The following SH3BGRL2 variants were observed in gnomAD, a reference collection of about 807,000 sequenced individuals.
The protein encoded by SH3BGRL2 is SH3 domain binding glutamate rich protein like 2, also known as SH3 domain-binding glutamic acid-rich-like protein 2.
A neutral mutation model predicts 14.8 loss-of-function variants in SH3BGRL2; 21 were observed. That is an observed-to-expected ratio of 1.42 (90% CI 1.01 to 2.05). SH3BGRL2 has a LOEUF of 2.05. Ranked by LOEUF, SH3BGRL2 falls within the 30% of genes most tolerant of loss-of-function variation. The pLI, the probability that SH3BGRL2 is intolerant of heterozygous loss-of-function variation, is 0.00. For synonymous variants in SH3BGRL2, 50 were observed against 47.8 expected (o/e 1.05, Z -0.19); for missense variants, 147 against 130.8 (o/e 1.12, Z -0.61).
At chr6:79,634,725 G>T (rs963114219) in intron 1 of SH3BGRL2, among the ~76,000 whole-genome samples, 2 of 152,164 alleles carry the variant, frequency 1.3e-5, no homozygotes, top group African/African-American at 4.8e-5. Flanking sequence ...GATGAGTTAG[G>T]AAAGGTAGTA....
At chr6:79,540,497 CTGCTCTGA>C in the SH3BGRL2 span, among the ~76,000 whole-genome samples, 1 of 151,988 alleles carries the variant, frequency 6.6e-6, no homozygotes, top group Non-Finnish European at 1.5e-5. Context: ...AGAAAGTGGG[CTGCTCTGA>C]TGAAAACAAA....
intron 2 of SH3BGRL2, among the ~76,000 whole-genome samples, chr6:79,678,944 T>A (rs959603547): frequency 6.6e-6 from 1 of 152,208 alleles, no homozygotes; most frequent in Non-Finnish European, 1.5e-5. Context: ...GCAGAAGACA[T>A]GAGTTTATTC....
intron 1 of SH3BGRL2, among the ~76,000 whole-genome samples, chr6:79,660,891 T>G (rs1453862188): frequency 6.6e-6 from 1 of 152,238 alleles, no homozygotes; most frequent in East Asian, 1.9e-4. Flanking sequence ...TCCAGGAATT[T>G]ATCCATTTCT....
the SH3BGRL2 span, among the ~76,000 whole-genome samples, chr6:79,602,580 A>G: frequency 6.6e-6 from 1 of 152,166 alleles, no homozygotes; most frequent in African/African-American, 2.4e-5. Flanking sequence ...ACTGAGATAG[A>G]GTCAAGGAAG....
intron 1 of SH3BGRL2, among the ~76,000 whole-genome samples, chr6:79,641,131 C>T (rs1332532836): frequency 6.7e-6 from 1 of 149,036 alleles, no homozygotes; most frequent in Non-Finnish European, 1.5e-5. Flanking sequence ...TATTAAAGCT[C>T]AGTGGTTCTC....
the SH3BGRL2 span, among the ~76,000 whole-genome samples, chr6:79,591,990 T>G: frequency 1.3e-5 from 2 of 152,226 alleles, no homozygotes; most frequent in Non-Finnish European, 2.9e-5. Flanking sequence ...TAAGTATTTT[T>G]TTATGCACAG....
intron 1 of SH3BGRL2, among the ~76,000 whole-genome samples, chr6:79,650,133 A>G (rs1451697460): frequency 6.6e-6 from 1 of 152,118 alleles, no homozygotes; most frequent in East Asian, 1.9e-4. Context: ...CAGAATTTGC[A>G]GGCACACTCC....
the SH3BGRL2 span, among the ~76,000 whole-genome samples, chr6:79,538,942 A>G: frequency 6.6e-6 from 1 of 152,084 alleles, no homozygotes; most frequent in African/African-American, 2.4e-5. Flanking sequence ...GCCAGAGTAC[A>G]AGCCTAGGTC....
intron 1 of SH3BGRL2, among the ~76,000 whole-genome samples, chr6:79,647,102 T>G (rs1769159587): frequency 1.3e-5 from 2 of 152,222 alleles, no homozygotes; most frequent in South Asian, 4.1e-4. Context: ...TTTTGTGTTT[T>G]TGAGGAACTG....
the SH3BGRL2 span, among the ~76,000 whole-genome samples, chr6:79,596,212 G>A: frequency 6.6e-6 from 1 of 152,204 alleles, no homozygotes; most frequent in Non-Finnish European, 1.5e-5. Context: ...AGGCTAGAGT[G>A]CAGTGGTGTG....
At chr6:79,553,991 G>C in the SH3BGRL2 span, among the ~76,000 whole-genome samples, 30 of 150,938 alleles carry the variant, frequency 2.0e-4, no homozygotes, top group African/African-American at 6.8e-4. Flanking sequence ...GAAAAGAAAA[G>C]AGAAAGAAAA....
chr6:79,571,484 T>C, the SH3BGRL2 span, among the ~76,000 whole-genome samples: 3 of 152,194 alleles, frequency 2.0e-5, no homozygotes, highest in Non-Finnish European at 4.4e-5. Flanking sequence ...TAGGTTTTTT[T>C]CCCAGCTTTA....
At chr6:79,641,381 T>A (rs1293334659) in intron 1 of SH3BGRL2, among the ~76,000 whole-genome samples, 2 of 152,194 alleles carry the variant, frequency 1.3e-5, no homozygotes, top group Non-Finnish European at 2.9e-5. Context: ...AAATAAATGT[T>A]TGGGTTGAGT....
intron 1 of SH3BGRL2, among the ~76,000 whole-genome samples, chr6:79,653,548 G>A (rs777905056): frequency 6.6e-6 from 1 of 152,164 alleles, no homozygotes; most frequent in Non-Finnish European, 1.5e-5. Flanking sequence ...AATATTTATA[G>A]CTGTCCTTTA....
At chr6:79,651,629 G>A (rs1769298040) in intron 1 of SH3BGRL2, among the ~76,000 whole-genome samples, 1 of 152,114 alleles carries the variant, frequency 6.6e-6, no homozygotes, top group Non-Finnish European at 1.5e-5. Context: ...CTGGGTATAA[G>A]CAGCCCCTCT....
the SH3BGRL2 span, among the ~76,000 whole-genome samples, chr6:79,621,613 T>G: frequency 6.6e-6 from 1 of 152,232 alleles, no homozygotes. Flanking sequence ...CACCCAAGAT[T>G]GCACCAAGCA....
the SH3BGRL2 span, among the ~76,000 whole-genome samples, chr6:79,604,128 A>G: frequency 6.6e-6 from 1 of 152,120 alleles, no homozygotes; most frequent in Non-Finnish European, 1.5e-5. Context: ...ATGTCTGTAG[A>G]GAAATACTGT....
At chr6:79,563,062 TCTC>T in the SH3BGRL2 span, among the ~76,000 whole-genome samples, 2 of 151,898 alleles carry the variant, frequency 1.3e-5, no homozygotes, top group African/African-American at 4.8e-5. Flanking sequence ...TTCACGCCAT[TCTC>T]CTGCCTCAGC....
At chr6:79,675,384 A>G (rs1226836056) in intron 2 of SH3BGRL2, among the ~76,000 whole-genome samples, 2 of 152,128 alleles carry the variant, frequency 1.3e-5, no homozygotes, top group Non-Finnish European at 2.9e-5. Context: ...ACTCTATGAA[A>G]AATTTTAATC....
Sources: gnomAD v4.1 joint callset for allele counts (sites outside exome capture counted in the v4.1 genomes callset) on GRCh38, gnomAD v4.1.1 for gene constraint, MANE v1.5 for transcripts, NCBI Gene and HGNC (gene_info 2026-07-23, HGNC 2026-07-21) for gene names.